RASSF5: variants seen among roughly 807,000 people sequenced by gnomAD.
The protein encoded by RASSF5 is Ras association domain family member 5.
A neutral mutation model predicts 40.5 loss-of-function variants in RASSF5; 25 were observed. That is an observed-to-expected ratio of 0.62 (90% CI 0.45 to 0.86). The LOEUF is 0.86. Ranked by LOEUF, RASSF5 falls within the 40% of genes least tolerant of loss-of-function variation. RASSF5 has a pLI of 0.00. For synonymous variants in RASSF5, 246 were observed against 252.4 expected (o/e 0.97, Z 0.24); for missense variants, 521 against 572.8 (o/e 0.91, Z 0.92).
At chr1:206,582,199 A>G (rs1177949731) in intron 2 of RASSF5, among the ~76,000 whole-genome samples, 2 of 152,216 alleles carry the variant, frequency 1.3e-5, no homozygotes, top group Non-Finnish European at 2.9e-5. Context: ...ACTGAGGGAC[A>G]GTGGCTTCGA....
At chr1:206,586,543 C>A (rs984596407) in intron 5 of RASSF5, 1 of 299,168 alleles carries the variant, frequency 3.3e-6, no homozygotes, top group East Asian at 8.6e-5. Flanking sequence ...GTCAAGATCT[C>A]GGCTGCTACA....
intron 2 of RASSF5, among the ~76,000 whole-genome samples, chr1:206,556,204 T>A (rs1553401739): frequency 6.6e-6 from 1 of 152,210 alleles, no homozygotes; most frequent in African/African-American, 2.4e-5. Flanking sequence ...GCTGAGGGTC[T>A]GTACATGACA....
intron 1 of RASSF5, among the ~76,000 whole-genome samples, chr1:206,523,380 A>T (rs1553396406): frequency 8.0e-6 from 1 of 124,934 alleles, no homozygotes; most frequent in Non-Finnish European, 1.6e-5. Flanking sequence ...TAAATATTAT[A>T]TTATATAAAT....
intron 5 of RASSF5, 51 bp downstream of exon 5, chr1:206,585,346 G>C: frequency 7.4e-7 from 1 of 1,349,676 alleles, no homozygotes; most frequent in Middle Eastern, 1.8e-4. Flanking sequence ...CCCTGGGTGG[G>C]TGCAGGTGGG....
intron 5 of RASSF5, chr1:206,586,186 A>G (rs1486653050): frequency 6.5e-6 from 1 of 152,764 alleles, no homozygotes; most frequent in African/African-American, 2.4e-5. Context: ...TTAGTACTCT[A>G]TTGTGCTCAA....
Position 206,538,226 on chromosome 1 carries a change from G to T in RASSF5, c.512G>T (p.Ser171Ile). 1 of 1,614,246 alleles carries T rather than the reference G, an allele frequency of 6.2e-7. No homozygotes were observed. Among genetic ancestry groups the T allele is most frequent in the Middle Eastern group, 1.7e-4 (1 of 6,058 alleles). ...ECRSLIQLDC[S>I]QQEGLSRDRP... is the part of the protein sequence containing the mutation. ...CGCAGCCTGATCCAGTTGGACTGCA[G>T]TCAGCAGGAGGGTTTATCCCGGGAC... Residue 171 changes from serine to isoleucine, a missense_variant, in exon 2 of 6, where the codon AGT becomes ATT. Ser to Ile is a moderately radical substitution (Grantham distance 142). Transcript: ENST00000579436.
intron 1 of RASSF5, among the ~76,000 whole-genome samples, chr1:206,530,083 G>T (rs1553397756): frequency 6.6e-6 from 1 of 152,062 alleles, no homozygotes; most frequent in Non-Finnish European, 1.5e-5. Flanking sequence ...ATTTTTCTTT[G>T]TTCCCTTTTT....
chr1:206,568,141 C>T (rs373088673), intron 2 of RASSF5, among the ~76,000 whole-genome samples: 42 of 152,274 alleles, frequency 2.8e-4, no homozygotes, highest in African/African-American at 9.6e-4. Flanking sequence ...TTTGCCAGGC[C>T]ATTTAGGGGA....
chr1:206,535,625 C>T lies in RASSF5; in HGVS notation c.458-2547C>T, dbSNP rs1434138497. On this transcript the variant is annotated intron_variant, in intron 1 of 5. Transcript: ENST00000579436. The surrounding 1 kb of genome is among the most constrained non-coding windows in gnomAD (Gnocchi z 5.0). ...ACATGCTTCTTATAAAATCCCAGAA[C>T]ACTTCTCAGAGTCTTCTGCTACTTA... Among the ~76,000 whole-genome samples, 1 of 152,056 alleles carries T rather than the reference C, an allele frequency of 6.6e-6. No homozygotes were observed. The highest frequency in any genetic ancestry group is 6.5e-5 in the Admixed American group (1 of 15,268).
At chr1:206,577,775 T>C (rs1212757703) in intron 2 of RASSF5, among the ~76,000 whole-genome samples, 7 of 152,172 alleles carry the variant, frequency 4.6e-5, no homozygotes, top group African/African-American at 1.4e-4. Flanking sequence ...CTGTAGGCAA[T>C]AGGGGATCAT....
intron 5 of RASSF5, 84 bp from the exon 6 acceptor site, chr1:206,586,742 G>A (rs566738200): frequency 9.7e-7 from 1 of 1,030,800 alleles, no homozygotes; most frequent in African/African-American, 1.6e-5. Flanking sequence ...GGAAGGGGAA[G>A]GCAGCAGGGT....
chr1:206,515,956 A>G (rs112984859), intron 1 of RASSF5, among the ~76,000 whole-genome samples: 179 of 152,350 alleles, frequency 1.2e-3, no homozygotes, highest in African/African-American at 2.7e-3. Flanking sequence ...CTGTAACATG[A>G]GAGTTTTGAG....
chr1:206,583,397 C>A lies in RASSF5; in HGVS notation c.690+18C>A, dbSNP rs1246064044. 3.2e-6 allele frequency: 5 copies of A among 1,543,598 alleles called. No homozygotes were observed. The highest frequency in any genetic ancestry group is 3.6e-6 in the Non-Finnish European group (4 of 1,115,960). ...TGAAACTGGTAAGCGCCCGTCCACC[C>A]TCAACCTGGCCCCTGCTCCACCACC... is the stretch of plus-strand genomic sequence containing the variant. On this transcript the variant is annotated intron_variant, in intron 3 of 5. Transcript: ENST00000579436.
intron 1 of RASSF5, among the ~76,000 whole-genome samples, chr1:206,527,445 G>A (rs1667125041): frequency 1.3e-5 from 2 of 152,128 alleles, no homozygotes; most frequent in South Asian, 4.1e-4. Flanking sequence ...TGTCCTGAGA[G>A]CTCAGGACAG....
intron 2 of RASSF5, among the ~76,000 whole-genome samples, chr1:206,564,953 T>C (rs1000878787): frequency 2.6e-5 from 4 of 152,120 alleles, no homozygotes; most frequent in Non-Finnish European, 5.9e-5. Context: ...TCATCTCCCC[T>C]CTTCTCCCAC....
intron 2 of RASSF5, among the ~76,000 whole-genome samples, chr1:206,574,807 A>T (rs148168545): frequency 4.8e-5 from 7 of 145,242 alleles, no homozygotes; most frequent in Non-Finnish European, 9.1e-5. Flanking sequence ...CCCCATAGGG[A>T]TTCCTCTTTC....
intron 1 of RASSF5, among the ~76,000 whole-genome samples, chr1:206,537,771 T>G (rs17007041): frequency 0.021 from 3,147 of 152,218 alleles, 120 homozygotes; most frequent in African/African-American, 0.072. Flanking sequence ...ATAAGGCCCA[T>G]AAAAGTCAAG....
At chr1:206,568,965 G>T (rs782045699) in intron 2 of RASSF5, among the ~76,000 whole-genome samples, 38 of 152,178 alleles carry the variant, frequency 2.5e-4, no homozygotes, top group Admixed American at 5.9e-4. Flanking sequence ...CATCTCTCTA[G>T]ACGCATATGA....
chr1:206,522,969 G>A (rs1047396864), intron 1 of RASSF5, among the ~76,000 whole-genome samples: 29 of 152,114 alleles, frequency 1.9e-4, no homozygotes, highest in Admixed American at 4.6e-4. Flanking sequence ...ACAACAGTGG[G>A]CTCTGGTTAA....
Sources: allele counts gnomAD v4.1 joint callset (sites outside exome capture counted in the v4.1 genomes callset), GRCh38; gene constraint gnomAD v4.1.1; non-coding constraint Gnocchi (gnomAD v3.1); transcripts MANE v1.5; gene names NCBI Gene and HGNC (gene_info 2026-07-23, HGNC 2026-07-21).